The following NRXN1 variants were observed in gnomAD, a reference collection of about 807,000 sequenced individuals.
NRXN1 encodes the protein neurexin 1.
In NRXN1, 39 loss-of-function variants were observed where a neutral mutation model predicts 150.9. The observed-to-expected ratio is 0.26, with a 90% confidence interval of 0.20 to 0.34. The LOEUF is 0.34. Among genes scored for constraint, NRXN1 ranks in the 10% least tolerant of loss-of-function variants. The probability of loss-of-function intolerance (pLI) is 1.00; values close to 1 mark genes in which losing one functional copy is unlikely to be tolerated. For synonymous variants in NRXN1, 924 were observed against 757.0 expected (o/e 1.22, Z -3.62); for missense variants, 1,815 against 1,949.9 (o/e 0.93, Z 1.30).
intron 2 of NRXN1, among the ~76,000 whole-genome samples, chr2:50,996,764 C>A (rs544574112): frequency 6.6e-6 from 1 of 152,040 alleles, no homozygotes; most frequent in Non-Finnish European, 1.5e-5. Context: ...AGTCAACAGC[C>A]ACTCTAACCT....
intron 5 of NRXN1, among the ~76,000 whole-genome samples, chr2:50,696,597 T>C (rs770685593): frequency 6.6e-6 from 1 of 152,146 alleles, no homozygotes; most frequent in African/African-American, 2.4e-5. Context: ...TCTTTGTGGT[T>C]CTGAGCAACT....
intron 19 of NRXN1, 69 bp downstream of exon 19, chr2:50,091,254 C>G: frequency 6.4e-7 from 1 of 1,563,420 alleles, no homozygotes; most frequent in Non-Finnish European, 8.8e-7. Flanking sequence ...GAAACGGATG[C>G]AAAACAGTGC....
rs559558166 is a variant in NRXN1 at position 50,233,627 on chromosome 2, T to C, written c.3546+3162A>G. Among the ~76,000 whole-genome samples the C allele has an allele frequency of 2.6e-5, 4 of 152,214 alleles. No homozygotes were observed. In the South Asian group the frequency reaches 8.3e-4, roughly 32 times the overall value. ...TATTAAATCTGATCAGTACATAGTA[T>C]ACTTCACTGACTTTGAAAGCTTACA... is the stretch of plus-strand genomic sequence containing the variant. On this transcript the variant is annotated intron_variant, in intron 18 of 22. Coordinates refer to ENST00000401669, the MANE Select transcript of NRXN1 (RefSeq NM_001330078.2).
intron 2 of NRXN1, among the ~76,000 whole-genome samples, chr2:50,926,714 G>T (rs547655337): frequency 1.3e-5 from 2 of 151,884 alleles, no homozygotes; most frequent in South Asian, 4.1e-4. Context: ...ATGTGAATAT[G>T]AATTTGTTTG....
At chr2:50,220,918 A>T (rs1215392611) in intron 18 of NRXN1, among the ~76,000 whole-genome samples, 1 of 151,978 alleles carries the variant, frequency 6.6e-6, no homozygotes, top group Non-Finnish European at 1.5e-5. Context: ...TATGCACACA[A>T]ATCATTGCAA....
intron 5 of NRXN1, among the ~76,000 whole-genome samples, chr2:50,878,097 CAT>C (rs1359755666): frequency 1.3e-5 from 2 of 151,900 alleles, no homozygotes; most frequent in Non-Finnish European, 2.9e-5. Flanking sequence ...AGAAGGAACA[CAT>C]ACTGCTTTTA....
intron 5 of NRXN1, among the ~76,000 whole-genome samples, chr2:50,663,515 C>G (rs910670102): frequency 3.3e-5 from 5 of 151,940 alleles, no homozygotes; most frequent in African/African-American, 7.2e-5. Flanking sequence ...TCTAAGTTAT[C>G]TCTTTAGATA....
At position 50,325,423 on chromosome 2, in the gene NRXN1, C is replaced by T. The variant is rs147330719; in HGVS notation, c.3365-88453G>A. 3.1e-3 allele frequency among the ~76,000 whole-genome samples: 466 copies of T among 152,286 alleles called. 1 individual carries two copies. The highest frequency in any genetic ancestry group is 4.7e-3 in the Non-Finnish European group (318 of 68,020). On this transcript the variant is annotated intron_variant, in intron 17 of 22. Coordinates refer to ENST00000401669, the MANE Select transcript of NRXN1 (RefSeq NM_001330078.2). Reference sequence around the variant, plus strand: ...GCTACAGGACAGTTTTTCTAACCTCCCTTAGGGGGATGGGGACTAAAATTT... The same window carrying T: ...GCTACAGGACAGTTTTTCTAACCTCTCTTAGGGGGATGGGGACTAAAATTT...
At chr2:50,369,841 G>C (rs1286953699) in intron 17 of NRXN1, among the ~76,000 whole-genome samples, 2 of 152,004 alleles carry the variant, frequency 1.3e-5, no homozygotes, top group East Asian at 3.9e-4. Flanking sequence ...TAATCTCCCA[G>C]TGTAGGGCTG....
chr2:50,893,472 A>G (rs926016446), intron 5 of NRXN1, among the ~76,000 whole-genome samples: 1 of 152,148 alleles, frequency 6.6e-6, no homozygotes, highest in African/African-American at 2.4e-5. Context: ...AGGGTTTAAT[A>G]TAGGATTTGG....
chr2:50,041,423 T>G (rs1248409207), intron 21 of NRXN1, among the ~76,000 whole-genome samples: 1 of 152,218 alleles, frequency 6.6e-6, no homozygotes, highest in Admixed American at 6.5e-5. Flanking sequence ...CAGCTTGTCT[T>G]GTAGCCCTGT....
intron 5 of NRXN1, chr2:50,757,854 T>G (rs938867741): frequency 6.6e-6 from 1 of 151,678 alleles, no homozygotes; most frequent in Admixed American, 6.6e-5. Flanking sequence ...TTCTCAATAT[T>G]GTGAGACCAT....
At chr2:50,932,467 G>C (rs1000240341) in intron 2 of NRXN1, among the ~76,000 whole-genome samples, 3 of 152,008 alleles carry the variant, frequency 2.0e-5, no homozygotes, top group Non-Finnish European at 4.4e-5. Context: ...TATCTTTTAA[G>C]TGGAGCATTT....
intron 21 of NRXN1, among the ~76,000 whole-genome samples, chr2:49,954,591 G>T (rs1246533408): frequency 6.6e-6 from 1 of 152,168 alleles, no homozygotes; most frequent in Non-Finnish European, 1.5e-5. Context: ...AAGGGAGAGG[G>T]AGAGAGAAAG....
At chr2:50,579,168 A>C (rs895081483) in intron 8 of NRXN1, among the ~76,000 whole-genome samples, 2 of 152,202 alleles carry the variant, frequency 1.3e-5, no homozygotes, top group African/African-American at 4.8e-5. Flanking sequence ...GTTTTGCACC[A>C]GTTTTTAAAG....
intron 12 of NRXN1, among the ~76,000 whole-genome samples, chr2:50,509,540 A>G (rs2092371648): frequency 1.3e-5 from 2 of 152,300 alleles, no homozygotes; most frequent in Non-Finnish European, 2.9e-5. Flanking sequence ...CCCATCCATA[A>G]AGTGAGGAGA....
chr2:50,720,856 T>C (rs1285793437), intron 5 of NRXN1, among the ~76,000 whole-genome samples: 1 of 152,134 alleles, frequency 6.6e-6, no homozygotes, highest in Non-Finnish European at 1.5e-5. Flanking sequence ...ACCCCATCAC[T>C]GAAACCTGAG....
chr2:50,258,309 T>TA (rs1219166528), intron 17 of NRXN1, among the ~76,000 whole-genome samples: 1 of 152,122 alleles, frequency 6.6e-6, no homozygotes, highest in Admixed American at 6.6e-5. Flanking sequence ...TAAGTTTATG[T>TA]AATATTCTAC....
chr2:50,257,161 T>G (rs2067782123), intron 17 of NRXN1, among the ~76,000 whole-genome samples: 1 of 152,078 alleles, frequency 6.6e-6, no homozygotes, highest in African/African-American at 2.4e-5. Context: ...CTAAAATTAT[T>G]TGTCCATGGT....
Sources: gnomAD v4.1 joint callset for allele counts (sites outside exome capture counted in the v4.1 genomes callset) on GRCh38, gnomAD v4.1.1 for gene constraint, MANE v1.5 for transcripts, NCBI Gene and HGNC (gene_info 2026-07-23, HGNC 2026-07-21) for gene names.